Variants in VOPP1 observed in about 807,000 individuals in gnomAD.
The protein encoded by VOPP1 is WW domain binding protein VOPP1.
VOPP1 carries 8 observed loss-of-function variants against 23.5 expected under a neutral mutation model. That is an observed-to-expected ratio of 0.34 (90% CI 0.20 to 0.61). The LOEUF (loss-of-function observed/expected upper bound fraction) is 0.61, where lower values mean the gene tolerates loss of function less well. VOPP1 is among the 20% of genes least tolerant of loss of function. VOPP1 has a pLI of 0.78. For synonymous variants in VOPP1, 83 were observed against 97.3 expected, an observed-to-expected ratio of 0.85 and a Z score of 0.86; for missense variants, 174 against 238.1, an observed-to-expected ratio of 0.73 and a Z score of 1.77.
intron 1 of VOPP1, among the ~76,000 whole-genome samples, chr7:55,527,404 T>C (rs1163480744): frequency 6.6e-6 from 1 of 152,178 alleles, no homozygotes; most frequent in Non-Finnish European, 1.5e-5. Flanking sequence ...CCCTGTCTTA[T>C]AGAAGAAACC....
chr7:55,554,910 C>T (rs1453359136), intron 1 of VOPP1, among the ~76,000 whole-genome samples: 1 of 152,116 alleles, frequency 6.6e-6, no homozygotes, highest in Non-Finnish European at 1.5e-5. Context: ...CTCACCCAAG[C>T]GCAGGAGACA....
intron 1 of VOPP1, among the ~76,000 whole-genome samples, chr7:55,536,699 G>A (rs1328416151): frequency 6.6e-6 from 1 of 152,156 alleles, no homozygotes; most frequent in East Asian, 1.9e-4. Context: ...ACTGAACAAT[G>A]ACACTGATAT....
chr7:55,441,139 G>A lies in VOPP1; in HGVS notation n.418-4965C>T, dbSNP rs144509072. ...CCCCATAGCCTCTAGGTTGCTTGCC[G>A]GCACAGAGCCGCCCGCTCTGCAGAT... On this transcript the variant is annotated intron_variant and non_coding_transcript_variant, in intron 4 of 4. Transcript: ENST00000462326. 5.5e-3 allele frequency among the ~76,000 whole-genome samples: 830 copies of A among 152,272 alleles called. 4 individuals carry two copies. Among genetic ancestry groups the A allele is most frequent in the Middle Eastern group, 0.02 (6 of 294 alleles).
intron 3 of VOPP1, 112 bp from the exon 4 acceptor site, chr7:55,492,530 C>A (rs1793657759): frequency 2.4e-6 from 3 of 1,268,698 alleles, no homozygotes; most frequent in Non-Finnish European, 3.2e-6. Context: ...CAATGACTCC[C>A]AAATGCACGA....
At chr7:55,485,505 G>A (rs2129015583) in intron 4 of VOPP1, among the ~76,000 whole-genome samples, 1 of 152,340 alleles carries the variant, frequency 6.6e-6, no homozygotes, top group East Asian at 1.9e-4. Context: ...TGATAAAAGG[G>A]ACTTCCAAAT....
At chr7:55,484,278 G>A (rs1442388591) in intron 4 of VOPP1, among the ~76,000 whole-genome samples, 1 of 152,216 alleles carries the variant, frequency 6.6e-6, no homozygotes, top group Non-Finnish European at 1.5e-5. Context: ...AGCTACTGTA[G>A]AGACATCCCA....
chr7:55,521,212 G>C, intron 1 of VOPP1, 82 bp from the exon 2 acceptor site: 3 of 1,394,024 alleles, frequency 2.2e-6, no homozygotes, highest in Non-Finnish European at 3.0e-6. Context: ...GCAGAAAGAA[G>C]GATGAGAAGA....
chr7:55,463,085 G>A (rs1470292714), intron 4 of VOPP1, among the ~76,000 whole-genome samples: 2 of 151,976 alleles, frequency 1.3e-5, no homozygotes, highest in Non-Finnish European at 2.9e-5. Flanking sequence ...GTCTGAAAAG[G>A]TACTTGATAT....
chr7:55,536,402 G>A (rs113539543), intron 1 of VOPP1, among the ~76,000 whole-genome samples: 1 of 152,062 alleles, frequency 6.6e-6, no homozygotes, highest in Non-Finnish European at 1.5e-5. Context: ...GGTGGCGGGC[G>A]CCTGTAGTCC....
At chr7:55,443,564 A>G (rs1250495312) in intron 4 of VOPP1, among the ~76,000 whole-genome samples, 1 of 152,098 alleles carries the variant, frequency 6.6e-6, no homozygotes, top group African/African-American at 2.4e-5. Flanking sequence ...AAAAAACAAA[A>G]CAAAACCAAA....
At chr7:55,564,905 T>C (rs1267332320) in intron 1 of VOPP1, among the ~76,000 whole-genome samples, 1 of 152,178 alleles carries the variant, frequency 6.6e-6, no homozygotes, top group Non-Finnish European at 1.5e-5. Context: ...GATTCTGTAA[T>C]ACATGGTCAT....
intron 1 of VOPP1, among the ~76,000 whole-genome samples, chr7:55,527,416 C>T (rs753657534): frequency 1.3e-5 from 2 of 152,178 alleles, no homozygotes; most frequent in African/African-American, 2.4e-5. Flanking sequence ...GAAGAAACCA[C>T]ACCTGAAATT....
intron 2 of VOPP1, among the ~76,000 whole-genome samples, chr7:55,504,028 T>C (rs188026099): frequency 5.4e-4 from 82 of 152,344 alleles, no homozygotes; most frequent in Non-Finnish European, 7.6e-4. Flanking sequence ...GGTCTGGAGA[T>C]AGAGTTGGTG....
chr7:55,500,886 G>C (rs1361770872), intron 2 of VOPP1, among the ~76,000 whole-genome samples: 1 of 152,212 alleles, frequency 6.6e-6, no homozygotes, highest in Non-Finnish European at 1.5e-5. Flanking sequence ...CACAGATGCT[G>C]CCTCTCCAGT....
intron 4 of VOPP1, among the ~76,000 whole-genome samples, chr7:55,445,133 G>C (rs1323860092): frequency 1.3e-5 from 2 of 151,894 alleles, no homozygotes; most frequent in Non-Finnish European, 2.9e-5. Flanking sequence ...CAGAAGAGGG[G>C]GTGAAACCAT....
At chr7:55,523,049 C>G (rs759750828) in intron 1 of VOPP1, among the ~76,000 whole-genome samples, 2 of 152,194 alleles carry the variant, frequency 1.3e-5, no homozygotes, top group Admixed American at 1.3e-4. Context: ...TGGTGGGTGT[C>G]TTCTTCTGGG....
downstream of VOPP1, chr7:55,435,932 G>A (rs918590017): frequency 6.6e-5 from 10 of 152,310 alleles, no homozygotes; most frequent in Non-Finnish European, 1.5e-5. Flanking sequence ...AGGAACCTCT[G>A]CAGCACGGCA....
At chr7:55,510,930 T>C (rs1795031219) in intron 2 of VOPP1, among the ~76,000 whole-genome samples, 1 of 152,086 alleles carries the variant, frequency 6.6e-6, no homozygotes, top group Non-Finnish European at 1.5e-5. Flanking sequence ...CCCCAATCTG[T>C]CCTGCTCCTC....
At chr7:55,542,764 T>C (rs1797188372) in intron 1 of VOPP1, among the ~76,000 whole-genome samples, 1 of 150,346 alleles carries the variant, frequency 6.7e-6, no homozygotes, top group African/African-American at 2.5e-5. Context: ...TACTCCAGCC[T>C]GGGAGACAGA....
Sources: gnomAD v4.1 joint callset for allele counts (sites outside exome capture counted in the v4.1 genomes callset) on GRCh38, gnomAD v4.1.1 for gene constraint, MANE v1.5 for transcripts, NCBI Gene and HGNC (gene_info 2026-07-23, HGNC 2026-07-21) for gene names.